CPNE7: variants seen among roughly 807,000 people sequenced by gnomAD.
CPNE7 encodes copine 7.
In CPNE7, 78 loss-of-function variants were observed where a neutral mutation model predicts 66.5. The ratio of observed to expected loss-of-function variants is 1.17; its 90% CI spans 0.98 to 1.42. CPNE7 has a LOEUF of 1.42. Among genes scored for constraint, CPNE7 ranks in the 40% most tolerant of loss-of-function variants. The pLI, the probability that CPNE7 is intolerant of heterozygous loss-of-function variation, is 0.00. For synonymous variants in CPNE7, 468 were observed against 336.7 expected, an observed-to-expected ratio of 1.39 and a Z score of -4.27; for missense variants, 1,012 against 776.6, an observed-to-expected ratio of 1.30 and a Z score of -3.60.
rs571575433 is a variant in CPNE7, at chr16:89,588,836, C to G, written c.1061+28C>G. On this transcript the variant is annotated intron_variant, in intron 10 of 14. Transcript: ENST00000319518. ...GCGCCCACCACCTTCCCCTCACCCC[C>G]TGGTCTCCAGGTCAGCTATGACAGG... 4 of 1,608,528 alleles carry G rather than the reference C, an allele frequency of 2.5e-6. No homozygotes were observed. In the South Asian group the frequency reaches 3.3e-5, roughly 13 times the overall value.
In CPNE7 at chr16:89,588,816, C is replaced by T. The variant is rs28612599; in HGVS notation, c.1061+8C>T. ...CTGCCAGGACTATGACAGGTGCGCCCACCACCTTCCCCTCACCCCCTGGTC... is the reference window on the plus strand; with the variant it reads ...CTGCCAGGACTATGACAGGTGCGCCTACCACCTTCCCCTCACCCCCTGGTC... On this transcript the variant is annotated splice_region_variant and intron_variant, in intron 10 of 14. Coordinates refer to ENST00000319518, the MANE Select transcript of CPNE7 (RefSeq NM_153636.3). 1,023 of 1,612,990 alleles carry T rather than the reference C, an allele frequency of 6.3e-4. 9 individuals carry two copies. The African/African-American group carries it at 0.012, about 19-fold the overall frequency.
chr16:89,595,281 C>A, intron 13 of CPNE7, 86 bp from the exon 14 acceptor site: 1 of 1,138,918 alleles, frequency 8.8e-7, no homozygotes, highest in Non-Finnish European at 1.3e-6. Flanking sequence ...CGGAGGCACT[C>A]TGGGCTGTCT....
Position 89,584,833 on chromosome 16 carries a change from C to G in CPNE7, c.567C>G (p.Gly189=). Residue 189 remains glycine (G), a synonymous_variant, in exon 5 of 15, where the codon GGC becomes GGG. Coordinates refer to ENST00000319518, the MANE Select transcript of CPNE7 (RefSeq NM_153636.3). This position sits in a 1 kb window ranked among gnomAD's most constrained non-coding sequence, Gnocchi z 6.0. The part of the protein sequence containing the change: ...LELYRVNDDQ[G]LQLVYRTEVV... ...TCTACAGGGTCAACGACGACCAGGG[C>G]TTGCAGCTGGTGTACAGGACGGAGG... is the stretch of plus-strand genomic sequence containing the variant. 1 of 1,613,594 alleles carries G rather than the reference C, an allele frequency of 6.2e-7. No homozygotes were observed. Among genetic ancestry groups the G allele is most frequent in the East Asian group, 2.2e-5 (1 of 44,886 alleles).
chr16:89,583,852 C>A, intron 3 of CPNE7, 81 bp downstream of exon 3: 1 of 1,532,170 alleles, frequency 6.5e-7, no homozygotes, highest in East Asian at 2.3e-5. Flanking sequence ...AGATGGGCAG[C>A]AGCGTGCCGT....
intron 9 of CPNE7, among the ~76,000 whole-genome samples, chr16:89,588,472 C>T (rs1328911202): frequency 6.6e-6 from 1 of 152,086 alleles, no homozygotes; most frequent in Non-Finnish European, 1.5e-5. Flanking sequence ...TCCAGGGAGC[C>T]TAGGGGCTGG....
intron 13 of CPNE7, among the ~76,000 whole-genome samples, chr16:89,593,207 G>A (rs934801317): frequency 1.4e-4 from 21 of 151,994 alleles, no homozygotes; most frequent in African/African-American, 2.9e-4. Flanking sequence ...CAAGCCAAAT[G>A]GGAACCCTAT....
rs1400804174 is a variant in CPNE7, at chr16:89,586,737, T to C, written c.848T>C (p.Val283Ala). 3 of 1,612,366 alleles carry C rather than the reference T, an allele frequency of 1.9e-6. No individual in the cohort carries two copies. Among genetic ancestry groups the C allele is most frequent in the Non-Finnish European group, 2.5e-6 (3 of 1,179,526 alleles). Residue 283 changes from valine to alanine, a missense_variant, in exon 8 of 15, where the codon GTC becomes GCC. Transcript: ENST00000319518. ...CGCAGTTATAAGAACTCAGGAGTGGTCGTCCTGGCTGACCTCAAGGTGAGA... is the reference window on the plus strand; with the variant it reads ...CGCAGTTATAAGAACTCAGGAGTGGCCGTCCTGGCTGACCTCAAGGTGAGA... Reference protein sequence around the residue: ...KRRSYKNSGVVVLADLKFHRV... With the variant: ...KRRSYKNSGVAVLADLKFHRV...
At chr16:89,578,984 C>CT (rs2058904258) in intron 2 of CPNE7, 1 of 1,602,732 alleles carries the variant, frequency 6.2e-7, no homozygotes, top group Admixed American at 1.7e-5. Context: ...ACGGGTCCTT[C>CT]TTTTTTATTG....
chr16:89,583,498 G>C (rs368492060), intron 2 of CPNE7, 199 bp from the exon 3 acceptor site: 34 of 1,556,644 alleles, frequency 2.2e-5, no homozygotes, highest in African/African-American at 4.1e-5. Flanking sequence ...GGTGGTGGAC[G>C]TGCAGGGGTG....
intron 9 of CPNE7, 49 bp from the exon 10 acceptor site, chr16:89,588,626 T>A: frequency 6.2e-7 from 1 of 1,608,974 alleles, no homozygotes; most frequent in East Asian, 2.2e-5. Flanking sequence ...CAGGAGCGGG[T>A]TCGGGGAGCC....
At chr16:89,586,070 T>G (rs2059034219) in intron 7 of CPNE7, among the ~76,000 whole-genome samples, 1 of 97,946 alleles carries the variant, frequency 1.0e-5, no homozygotes, top group Admixed American at 1.1e-4. Context: ...GAGGGGGGCC[T>G]CTGGGGAGGG....
chr16:89,586,065 G>A lies in CPNE7; in HGVS notation c.780+280G>A, dbSNP rs1434105624. On this transcript the variant is annotated intron_variant, in intron 7 of 14. Transcript: ENST00000319518. Reference sequence around the variant, plus strand: ...GCATTCAGGGAGGGGCAGGTGAGGGGGGCCTCTGGGGAGGGGCAGGTGAGT... The same window carrying A: ...GCATTCAGGGAGGGGCAGGTGAGGGAGGCCTCTGGGGAGGGGCAGGTGAGT... Among the ~76,000 whole-genome samples the A allele has an allele frequency of 4.3e-5, 5 of 117,044 alleles. No homozygotes were observed. In the South Asian group the frequency reaches 1.1e-3, roughly 25 times the overall value. 76.8% of individuals were successfully genotyped at this position (117,044 alleles called of 152,430 possible).
intron 2 of CPNE7, chr16:89,579,004 T>G: frequency 1.3e-6 from 2 of 1,594,232 alleles, no homozygotes; most frequent in Non-Finnish European, 1.7e-6. Flanking sequence ...GAGGTAAAAT[T>G]TACAGGCCGG....
intron 14 of CPNE7, among the ~76,000 whole-genome samples, chr16:89,596,279 C>T (rs2059253583): frequency 6.6e-6 from 1 of 152,222 alleles, no homozygotes; most frequent in Admixed American, 6.5e-5. Context: ...CATCTCCGTG[C>T]TTGGGGGGCT....
At position 89,584,659 on chromosome 16, in the gene CPNE7, C is replaced by G; in HGVS notation, c.508-115C>G. On this transcript the variant is annotated intron_variant, in intron 4 of 14. Transcript: ENST00000319518. The surrounding 1 kb of genome is among the most constrained non-coding windows in gnomAD (Gnocchi z 6.0). ...GGGGACTGGCTGCCTCGTTTTGTGC[C>G]TGAGGAATTAGCGGCTGGTGGCATG... 1.3e-6 allele frequency: 1 copy of G among 758,608 alleles called. No individual in the cohort carries two copies. The highest frequency in any genetic ancestry group is 2.3e-6 in the Non-Finnish European group (1 of 444,398). 47.0% of individuals were successfully genotyped at this position (758,608 alleles called of 1,614,324 possible).
chr16:89,586,693 C>T lies in CPNE7; in HGVS notation c.804C>T (p.Pro268=). Residue 268 remains proline (P), a synonymous_variant, in exon 8 of 15, where the codon CCC becomes CCT. Transcript: ENST00000319518. ...AGGCCCAGTGGGACTGTGTGAACCC[C>T]AAATACAAGCAGAAGAGACGCAGTT... ...EGQAQWDCVN[P]KYKQKRRSYK... The T allele has an allele frequency of 6.2e-7, 1 of 1,612,670 alleles. No homozygotes were observed. Among genetic ancestry groups the T allele is most frequent in the African/African-American group, 1.3e-5 (1 of 74,624 alleles).
rs1239706809 is a variant in CPNE7, at chr16:89,584,721, C to T, written c.508-53C>T. 1 of 1,402,926 alleles carries T rather than the reference C, an allele frequency of 7.1e-7. No homozygotes were observed. The highest frequency in any genetic ancestry group is 1.0e-6 in the Non-Finnish European group (1 of 997,036). 86.9% of individuals were successfully genotyped at this position (1,402,926 alleles called of 1,614,324 possible). A position where few individuals can be genotyped will look rare whatever the true frequency, so the allele number is the denominator to read the frequency against. ...GGGAAACGACAAAGCCAGCTCCCAT[C>T]CAAAGCCCGATCTCACAGTGCCTGG... On this transcript the variant is annotated intron_variant, in intron 4 of 14. Coordinates refer to ENST00000319518, the MANE Select transcript of CPNE7 (RefSeq NM_153636.3). The surrounding 1 kb of genome is among the most constrained non-coding windows in gnomAD (Gnocchi z 6.0).
At chr16:89,593,559 A>G (rs1201288434) in intron 13 of CPNE7, among the ~76,000 whole-genome samples, 5 of 151,788 alleles carry the variant, frequency 3.3e-5, no homozygotes, top group Non-Finnish European at 7.4e-5. Flanking sequence ...TCACTGTGTT[A>G]GCCAGGATGG....
chr16:89,578,490 TG>T (rs954428848), intron 2 of CPNE7, among the ~76,000 whole-genome samples: 6 of 152,154 alleles, frequency 3.9e-5, no homozygotes, highest in Non-Finnish European at 7.4e-5. Context: ...CCGGCCGTGG[TG>T]GCTCACACCT....
Sources: gnomAD v4.1 joint callset for allele counts (sites outside exome capture counted in the v4.1 genomes callset) on GRCh38, gnomAD v4.1.1 for gene constraint, Gnocchi (gnomAD v3.1) non-coding constraint, MANE v1.5 for transcripts, NCBI Gene and HGNC (gene_info 2026-07-23, HGNC 2026-07-21) for gene names.